The following NLGN1 variants were observed in gnomAD, a reference collection of about 807,000 sequenced individuals.
NLGN1 encodes neuroligin-1.
NLGN1 carries 12 observed loss-of-function variants against 65.5 expected under a neutral mutation model. The ratio of observed to expected loss-of-function variants is 0.18; its 90% CI spans 0.12 to 0.30. NLGN1 has a LOEUF of 0.30. NLGN1 is among the 10% of genes least tolerant of loss of function. The pLI is 1.00. For missense variants in NLGN1, 750 were observed against 1,007.1 expected, an observed-to-expected ratio of 0.74 and a Z score of 3.46; for synonymous variants, 350 against 359.5, an observed-to-expected ratio of 0.97 and a Z score of 0.30.
chr3:174,147,866 C>T (rs968300648), intron 4 of NLGN1, among the ~76,000 whole-genome samples: 1 of 152,116 alleles, frequency 6.6e-6, no homozygotes, highest in African/African-American at 2.4e-5. Context: ...TCAAACACTG[C>T]ATATGAATAA....
chr3:173,459,678 A>T (rs1723051926), intron 2 of NLGN1, among the ~76,000 whole-genome samples: 1 of 152,152 alleles, frequency 6.6e-6, no homozygotes, highest in Admixed American at 6.6e-5. Flanking sequence ...AAACTTAAAG[A>T]TGCAAAATAA....
At chr3:173,852,281 G>A (rs1298380931) in intron 4 of NLGN1, among the ~76,000 whole-genome samples, 18 of 132,494 alleles carry the variant, frequency 1.4e-4, no homozygotes, top group Admixed American at 4.2e-4. Context: ...GCGTGAACCC[G>A]GGAGGCGGAG....
downstream of NLGN1, among the ~76,000 whole-genome samples, chr3:174,288,173 A>G (rs1752344388): frequency 6.6e-6 from 1 of 151,554 alleles, no homozygotes; most frequent in Admixed American, 6.6e-5. Flanking sequence ...ATACAAATCA[A>G]TATTTCTTGA....
At chr3:173,923,275 G>C (rs755837544) in intron 4 of NLGN1, among the ~76,000 whole-genome samples, 1 of 152,092 alleles carries the variant, frequency 6.6e-6, no homozygotes, top group South Asian at 2.1e-4. Flanking sequence ...GGTCTGTTTT[G>C]TGGTAATTGT....
chr3:173,802,654 A>G (rs1051938746), intron 3 of NLGN1, among the ~76,000 whole-genome samples: 9 of 152,162 alleles, frequency 5.9e-5, no homozygotes, highest in African/African-American at 2.2e-4. Context: ...AAGGCAACAA[A>G]TATGAAGGAC....
rs535075443 is a variant in NLGN1, at chr3:173,808,020, T to A, written c.646+188T>A. Among the ~76,000 whole-genome samples, 4 of 152,132 alleles carry A rather than the reference T, an allele frequency of 2.6e-5. No individual in the cohort carries two copies. In the East Asian group the frequency reaches 7.7e-4, roughly 29 times the overall value. Reference sequence around the variant, plus strand: ...GGTTTTAAGATGTGAAACTAAAAGGTGATGAAATTATTCACATTGTCATGG... The same window carrying A: ...GGTTTTAAGATGTGAAACTAAAAGGAGATGAAATTATTCACATTGTCATGG... On this transcript the variant is annotated intron_variant, in intron 4 of 6. Coordinates refer to ENST00000457714, the Ensembl canonical transcript of NLGN1.
intron 2 of NLGN1, among the ~76,000 whole-genome samples, chr3:173,549,421 G>A (rs1055302219): frequency 2.0e-5 from 3 of 151,964 alleles, no homozygotes; most frequent in Non-Finnish European, 4.4e-5. Flanking sequence ...TACATGAGAT[G>A]TAGAAAACAT....
At chr3:173,795,844 T>C (rs1450877948) in intron 3 of NLGN1, among the ~76,000 whole-genome samples, 4 of 152,124 alleles carry the variant, frequency 2.6e-5, no homozygotes. Context: ...TGGCAATATC[T>C]TAAATTCTCT....
intron 3 of NLGN1, among the ~76,000 whole-genome samples, chr3:173,708,354 C>T (rs1430017341): frequency 6.6e-6 from 1 of 152,100 alleles, no homozygotes; most frequent in Non-Finnish European, 1.5e-5. Context: ...CCTTTTCATC[C>T]CCAGCTCAGT....
intron 3 of NLGN1, among the ~76,000 whole-genome samples, chr3:173,747,440 C>T (rs1402666977): frequency 6.7e-6 from 1 of 148,254 alleles, no homozygotes; most frequent in East Asian, 2.0e-4. Flanking sequence ...GAGCCTGGCA[C>T]ATATTTAGAA....
intron 3 of NLGN1, among the ~76,000 whole-genome samples, chr3:173,725,110 C>G (rs192068460): frequency 6.6e-6 from 1 of 151,810 alleles, no homozygotes; most frequent in African/African-American, 2.4e-5. Context: ...CACACCAACA[C>G]GGCACATGGA....
chr3:174,275,637 A>ACTC, intron 5 of NLGN1, 110 bp downstream of exon 5: 1 of 672,126 alleles, frequency 1.5e-6, no homozygotes, highest in Non-Finnish European at 2.6e-6. Context: ...GTTAGGTTGA[A>ACTC]CTCAATAGTT....
intron 2 of NLGN1, among the ~76,000 whole-genome samples, chr3:173,535,736 A>G (rs1212832556): frequency 6.6e-6 from 1 of 152,244 alleles, no homozygotes; most frequent in African/African-American, 2.4e-5. Context: ...ACATTTCATT[A>G]TCGTTTATTC....
intron 4 of NLGN1, among the ~76,000 whole-genome samples, chr3:174,143,756 A>G (rs944394235): frequency 6.6e-6 from 1 of 152,170 alleles, no homozygotes; most frequent in Non-Finnish European, 1.5e-5. Flanking sequence ...CATCAGACAC[A>G]AGTTTAGGAT....
chr3:173,702,745 T>A (rs949241515), intron 3 of NLGN1, among the ~76,000 whole-genome samples: 1 of 152,210 alleles, frequency 6.6e-6, no homozygotes, highest in Admixed American at 6.5e-5. Context: ...TTCACTGCGA[T>A]GCCATCAGTT....
intron 4 of NLGN1, among the ~76,000 whole-genome samples, chr3:174,054,921 A>G (rs899561330): frequency 1.3e-5 from 2 of 151,884 alleles, no homozygotes; most frequent in African/African-American, 4.8e-5. Flanking sequence ...GCCCCCTGCC[A>G]TTTTGCTTTT....
intron 2 of NLGN1, among the ~76,000 whole-genome samples, chr3:173,483,382 A>G (rs1727623127): frequency 6.6e-6 from 1 of 152,018 alleles, no homozygotes; most frequent in Admixed American, 6.6e-5. Context: ...AGGTCAAAGC[A>G]GTATGATGTT....
At chr3:174,265,106 G>C (rs999491296) in intron 4 of NLGN1, among the ~76,000 whole-genome samples, 1 of 151,716 alleles carries the variant, frequency 6.6e-6, no homozygotes, top group African/African-American at 2.4e-5. Context: ...GGACATTTAA[G>C]TCTGCAGAGG....
At chr3:173,979,993 C>T (rs1718396921) in intron 4 of NLGN1, among the ~76,000 whole-genome samples, 1 of 151,974 alleles carries the variant, frequency 6.6e-6, no homozygotes, top group African/African-American at 2.4e-5. Context: ...GCACTTGCTT[C>T]CATTCTCATC....
Sources: gnomAD v4.1 joint callset for allele counts (sites outside exome capture counted in the v4.1 genomes callset) on GRCh38, gnomAD v4.1.1 for gene constraint, MANE v1.5 for transcripts, NCBI Gene and HGNC (gene_info 2026-07-23, HGNC 2026-07-21) for gene names.